The following TULP2 variants were observed in gnomAD, a reference collection of about 807,000 sequenced individuals.
TULP2 encodes the protein TUB like protein 2, also known as tubby-related protein 2.
Under a neutral mutation model 60.3 loss-of-function variants are expected in TULP2, and 64 were observed. The ratio of observed to expected loss-of-function variants is 1.06; its 90% CI spans 0.87 to 1.31. The LOEUF is 1.31. Ranked by LOEUF, TULP2 falls within the 50% of genes most tolerant of loss-of-function variation. The pLI is 0.00. For missense variants in TULP2, 652 were observed against 667.0 expected, an observed-to-expected ratio of 0.98 and a Z score of 0.25; for synonymous variants, 267 against 265.4, an observed-to-expected ratio of 1.01 and a Z score of -0.06.
intron 9 of TULP2, among the ~76,000 whole-genome samples, chr19:48,884,498 C>T (rs971058338): frequency 4.0e-5 from 6 of 151,698 alleles, no homozygotes; most frequent in African/African-American, 1.2e-4. Flanking sequence ...AGGCCGGGTA[C>T]GGTGGCTCAC....
At chr19:48,882,336 T>A (rs1411753759) in intron 11 of TULP2, 133 bp from the exon 12 acceptor site, 6 of 946,174 alleles carry the variant, frequency 6.3e-6, no homozygotes, top group Non-Finnish European at 6.3e-6. Flanking sequence ...TGAGACCTGC[T>A]GGGCTGCGTT....
At position 48,894,970 on chromosome 19, in the gene TULP2, G is replaced by C. The variant is rs772559003; in HGVS notation, c.514+28C>G. 5.4e-5 allele frequency: 86 copies of C among 1,595,874 alleles called. No individual in the cohort carries two copies. The East Asian group carries it at 1.9e-3, about 35-fold the overall frequency. ...TTGCTGCATGAACCAGGAGATCCCA[G>C]GTTTCACCCCAATGTCCCCTAAATT... On this transcript the variant is annotated intron_variant, in intron 6 of 12. Coordinates refer to ENST00000221399, the MANE Select transcript of TULP2 (RefSeq NM_003323.3).
chr19:48,890,281 A>G (rs1474523174), intron 6 of TULP2, among the ~76,000 whole-genome samples: 1 of 152,086 alleles, frequency 6.6e-6, no homozygotes, highest in African/African-American at 2.4e-5. Context: ...GTTTATGTGT[A>G]TGCATATCTA....
rs374419641 is a variant in TULP2 at position 48,897,440 on chromosome 19, C to T, written c.33-44G>A. On this transcript the variant is annotated intron_variant, in intron 2 of 12. Transcript: ENST00000221399. The surrounding 1 kb of genome is among the most constrained non-coding windows in gnomAD (Gnocchi z 4.0). The stretch of plus-strand genomic sequence containing the variant: ...CATGGTGACAGTGCACAGGGAACCT[C>T]GGTTGCCCAAGAGAGTCCCTCCTTC... 3 of 1,605,368 alleles carry T rather than the reference C, an allele frequency of 1.9e-6. No homozygotes were observed. The highest frequency in any genetic ancestry group is 1.1e-5 in the South Asian group (1 of 89,974).
At position 48,882,680 on chromosome 19, in the gene TULP2, G is replaced by A. The variant is rs193199432; in HGVS notation, c.1276-477C>T. ...GCAACTTAGAACTTTTTAAAAGAGG[G>A]AAAAGCAGAAGAATACAAAGTAAGG... On this transcript the variant is annotated intron_variant, in intron 11 of 12. Coordinates refer to ENST00000221399, the MANE Select transcript of TULP2 (RefSeq NM_003323.3). 4.0e-3 allele frequency among the ~76,000 whole-genome samples: 613 copies of A among 152,248 alleles called. 5 individuals carry two copies. Among genetic ancestry groups the A allele is most frequent in the African/African-American group, 0.014 (569 of 41,528 alleles).
At position 48,895,421 on chromosome 19, in the gene TULP2, G is replaced by A. The variant is rs748496225; in HGVS notation, c.294C>T (p.Ser98=). The A allele has an allele frequency of 3.1e-6, 5 of 1,614,012 alleles. No homozygotes were observed. In the South Asian group the frequency reaches 5.5e-5, roughly 18 times the overall value. ...SGIHSALGTV[S]CGGDGRGERG... ...GCTCGCCCCTGCCGTCTCCACCACA[G>A]CTCACGGTGCCCAGGGCACTGTGGA... The change falls in exon 5 of 13, where the codon AGC becomes AGT. Residue 98 remains serine, a synonymous_variant. Coordinates refer to ENST00000221399, the MANE Select transcript of TULP2 (RefSeq NM_003323.3).
In TULP2 at chr19:48,885,583, A is replaced by G. The variant is rs780350472; in HGVS notation, c.949-23T>C. The G allele has an allele frequency of 1.6e-4, 257 of 1,607,782 alleles. 2 individuals are homozygous for G. The South Asian group carries it at 2.6e-3, about 16-fold the overall frequency. ...GCGCTATGGATGAGAGGAACAGTCC[A>G]TTAGAATGGACTTCTGGATGCTGGG... On this transcript the variant is annotated intron_variant, in intron 8 of 12. Coordinates refer to ENST00000221399, the MANE Select transcript of TULP2 (RefSeq NM_003323.3).
At chr19:48,892,661 A>G (rs58905315) in intron 6 of TULP2, among the ~76,000 whole-genome samples, 31,010 of 151,642 alleles carry the variant, frequency 0.2, 4,333 homozygotes, top group African/African-American at 0.4. Flanking sequence ...CCACCACCGC[A>G]ACCGGCTAAT....
intron 7 of TULP2, among the ~76,000 whole-genome samples, chr19:48,888,841 G>A (rs2037207056): frequency 6.6e-6 from 1 of 151,916 alleles, no homozygotes. Flanking sequence ...AAGCTGGTCT[G>A]GAACTCCTGA....
At chr19:48,886,606 C>T (rs2037181568) in intron 8 of TULP2, among the ~76,000 whole-genome samples, 3 of 151,892 alleles carry the variant, frequency 2.0e-5, no homozygotes, top group Non-Finnish European at 4.4e-5. Flanking sequence ...ACCATACTTG[C>T]AGGGTAAAGG....
rs140579456 is a variant in TULP2, at chr19:48,888,892, G to A, written c.636+618C>T. Among the ~76,000 whole-genome samples, 526 of 152,194 alleles carry A rather than the reference G, an allele frequency of 3.5e-3. 7 individuals carry two copies. Among genetic ancestry groups the A allele is most frequent in the Non-Finnish European group, 1.9e-3 (131 of 68,022 alleles). On this transcript the variant is annotated intron_variant, in intron 7 of 12. Coordinates refer to ENST00000221399, the MANE Select transcript of TULP2 (RefSeq NM_003323.3). ...CTGCCTCGGCCTTCCAAAGTGCTGG[G>A]ATTACAGGCGTGAGTCACCGTTCCT... is the stretch of plus-strand genomic sequence containing the variant.
intron 9 of TULP2, 125 bp from the exon 10 acceptor site, chr19:48,884,171 A>G: frequency 1.3e-6 from 1 of 787,502 alleles, no homozygotes; most frequent in Non-Finnish European, 2.0e-6. Flanking sequence ...ATGTCTAAGA[A>G]TCATGTTCCT....
chr19:48,897,019 A>T lies in TULP2; in HGVS notation c.84+326T>A, dbSNP rs1388680230. ...ATTCTCCTGCCTCAGCCTCCCGAGT[A>T]GCTGGGATTACAGGCGCCTGCCACC... is the stretch of plus-strand genomic sequence containing the variant. On this transcript the variant is annotated intron_variant, in intron 3 of 12. Coordinates refer to ENST00000221399, the MANE Select transcript of TULP2 (RefSeq NM_003323.3). This position sits in a 1 kb window ranked among gnomAD's most constrained non-coding sequence, Gnocchi z 4.0. 1.3e-5 allele frequency among the ~76,000 whole-genome samples: 2 copies of T among 151,820 alleles called. No individual in the cohort carries two copies. Among genetic ancestry groups the T allele is most frequent in the African/African-American group, 4.8e-5 (2 of 41,316 alleles).
At chr19:48,888,529 G>A (rs1178249575) in intron 7 of TULP2, among the ~76,000 whole-genome samples, 2 of 152,162 alleles carry the variant, frequency 1.3e-5, no homozygotes, top group Non-Finnish European at 2.9e-5. Context: ...ATGGCTGTTA[G>A]TTTGATCTAG....
At chr19:48,889,397 C>T (rs1340324691) in intron 7 of TULP2, 113 bp downstream of exon 7, 24 of 1,478,398 alleles carry the variant, frequency 1.6e-5, no homozygotes, top group Non-Finnish European at 2.2e-5. Flanking sequence ...AGCTTAATCA[C>T]CACCAGGAAA....
In TULP2 at chr19:48,882,116, CCT is replaced by C. The variant is rs2037138831; in HGVS notation, c.1361_1362del (p.Lys454ArgfsTer53). On this transcript the variant is annotated frameshift_variant, in exon 12 of 13. Transcript: ENST00000221399. LOFTEE classifies it high-confidence loss of function. ...AAATTGAGCGTGTAGACACCGTTCT[CCT>C]TGTCCCACGACGGGGTTTTGTTGTG... ...LLHNKTPSWD[K>X]ENGVYTLNFH... 6.2e-7 allele frequency: 1 copy of C among 1,614,024 alleles called. No homozygotes were observed. Among genetic ancestry groups the C allele is most frequent in the Non-Finnish European group, 8.5e-7 (1 of 1,180,038 alleles).
At chr19:48,885,872 G>A (rs1411052573) in intron 8 of TULP2, among the ~76,000 whole-genome samples, 1 of 151,868 alleles carries the variant, frequency 6.6e-6, no homozygotes, top group African/African-American at 2.4e-5. Context: ...GCAATAGACT[G>A]AGACTCCATC....
At chr19:48,895,634 C>T in intron 4 of TULP2, 131 bp from the exon 5 acceptor site, 1 of 1,177,694 alleles carries the variant, frequency 8.5e-7, no homozygotes. Flanking sequence ...AATCCCAGCA[C>T]TTTGGGAGGC....
rs199974267 is a variant in TULP2 at position 48,885,535 on chromosome 19, C to G, written c.974G>C (p.Arg325Thr). Residue 325 changes from arginine (R) to threonine (T), a missense_variant, in exon 9 of 13, where the codon AGA (arginine) becomes ACA (threonine). Physicochemically the swap from Arg to Thr is moderately conservative, Grantham distance 71. Transcript: ENST00000221399. Reference protein sequence around the residue: ...LQRFLLAGRKRRRSKTSNYLI... With the variant: ...LQRFLLAGRKTRRSKTSNYLI... Reference sequence around the variant, plus strand: ...GTAATTAGAAGTTTTGCTCCTTCTTCTCTTTCGCCCAGCCAGGAGGAAGCG... The same window carrying G: ...GTAATTAGAAGTTTTGCTCCTTCTTGTCTTTCGCCCAGCCAGGAGGAAGCG... The G allele has an allele frequency of 3.1e-5, 50 of 1,613,988 alleles. No homozygotes were observed. The highest frequency in any genetic ancestry group is 1.3e-4 in the Admixed American group (8 of 59,998).
Sources: gnomAD v4.1 joint callset for allele counts (sites outside exome capture counted in the v4.1 genomes callset) on GRCh38, gnomAD v4.1.1 for gene constraint, Gnocchi (gnomAD v3.1) non-coding constraint, MANE v1.5 for transcripts, NCBI Gene and HGNC (gene_info 2026-07-23, HGNC 2026-07-21) for gene names.